Variants in RCAN2 observed in about 807,000 individuals in gnomAD.
RCAN2 encodes calcipressin-2.
A neutral mutation model predicts 23.6 loss-of-function variants in RCAN2; 9 were observed. The ratio of observed to expected loss-of-function variants is 0.38; its 90% confidence interval spans 0.23 to 0.67. The LOEUF (loss-of-function observed/expected upper bound fraction) is 0.67, where lower values mean the gene tolerates loss of function less well. Among genes scored for constraint, RCAN2 ranks in the 30% least tolerant of loss-of-function variants. The pLI, the probability that RCAN2 is intolerant of heterozygous loss-of-function variation, is 0.51. For synonymous variants in RCAN2, 109 were observed against 115.7 expected (o/e 0.94, Z 0.37); for missense variants, 273 against 302.3 (o/e 0.90, Z 0.72).
At chr6:46,339,835 G>C (rs1258379348) in intron 2 of RCAN2, among the ~76,000 whole-genome samples, 1 of 151,896 alleles carries the variant, frequency 6.6e-6, no homozygotes, top group African/African-American at 2.4e-5. Context: ...GGAAATGTTA[G>C]AATCCAATAG....
At chr6:46,371,192 TC>T (rs1223452794) in intron 2 of RCAN2, among the ~76,000 whole-genome samples, 1 of 151,920 alleles carries the variant, frequency 6.6e-6, no homozygotes, top group African/African-American at 2.4e-5. Context: ...GACCAGCCTT[TC>T]CCCCCAGATT....
chr6:46,307,288 C>T (rs531347867), intron 2 of RCAN2, among the ~76,000 whole-genome samples: 34 of 152,168 alleles, frequency 2.2e-4, no homozygotes, highest in East Asian at 1.2e-3. Flanking sequence ...ACACAGTAAG[C>T]GCAATGTTCA....
At chr6:46,366,872 C>T (rs534009222) in intron 2 of RCAN2, among the ~76,000 whole-genome samples, 1 of 151,410 alleles carries the variant, frequency 6.6e-6, no homozygotes, top group African/African-American at 2.4e-5. Flanking sequence ...GTCCTTGTAC[C>T]TACAAGGATA....
At chr6:46,270,766 T>C (rs903278394) in intron 2 of RCAN2, among the ~76,000 whole-genome samples, 26 of 151,924 alleles carry the variant, frequency 1.7e-4, no homozygotes, top group African/African-American at 6.0e-4. Context: ...GTGGTGTGAG[T>C]TGCCCTCTGG....
chr6:46,328,060 G>A (rs1007258440), intron 2 of RCAN2, among the ~76,000 whole-genome samples: 1 of 152,172 alleles, frequency 6.6e-6, no homozygotes, highest in Non-Finnish European at 1.5e-5. Context: ...CACACTTTAT[G>A]TTTAGGAAAG....
chr6:46,403,110 G>A (rs895778358), intron 2 of RCAN2, among the ~76,000 whole-genome samples: 6 of 151,864 alleles, frequency 4.0e-5, no homozygotes, highest in Non-Finnish European at 5.9e-5. Flanking sequence ...GACTACAGGC[G>A]CCCGCCACCA....
At chr6:46,387,174 T>C (rs546952342) in intron 2 of RCAN2, among the ~76,000 whole-genome samples, 1 of 152,266 alleles carries the variant, frequency 6.6e-6, no homozygotes, top group African/African-American at 2.4e-5. Context: ...GGCAATACCA[T>C]TCAGGACACA....
At chr6:46,340,135 A>C (rs530004638) in intron 2 of RCAN2, among the ~76,000 whole-genome samples, 1 of 152,290 alleles carries the variant, frequency 6.6e-6, no homozygotes, top group South Asian at 2.1e-4. Flanking sequence ...CCTTTCATGG[A>C]CAGATTATTT....
intron 2 of RCAN2, among the ~76,000 whole-genome samples, chr6:46,449,070 T>G (rs368698215): frequency 1.3e-5 from 2 of 151,846 alleles, no homozygotes; most frequent in East Asian, 3.9e-4. Context: ...ATCTTATACA[T>G]AGAAAACCCT....
intron 2 of RCAN2, among the ~76,000 whole-genome samples, chr6:46,328,767 C>A (rs746947260): frequency 6.6e-6 from 1 of 152,184 alleles, no homozygotes; most frequent in Non-Finnish European, 1.5e-5. Context: ...CGGGCCACCA[C>A]GCCCAGCTAA....
intron 4 of RCAN2, among the ~76,000 whole-genome samples, chr6:46,236,410 T>G (rs1412133797): frequency 6.6e-6 from 1 of 152,004 alleles, no homozygotes; most frequent in Non-Finnish European, 1.5e-5. Flanking sequence ...GAAAATCTTA[T>G]GTTGCCGTTT....
At chr6:46,354,828 A>G (rs1311289385) in intron 2 of RCAN2, among the ~76,000 whole-genome samples, 5 of 152,228 alleles carry the variant, frequency 3.3e-5, no homozygotes, top group African/African-American at 1.2e-4. Flanking sequence ...ATTATTGAAC[A>G]AAATATTTAT....
chr6:46,288,177 C>T (rs1458979079), intron 2 of RCAN2, among the ~76,000 whole-genome samples: 1 of 152,154 alleles, frequency 6.6e-6, no homozygotes, highest in Non-Finnish European at 1.5e-5. Context: ...GGCAGCTGGG[C>T]CAGAGAGGAC....
At chr6:46,428,738 G>C (rs1767105323) in intron 2 of RCAN2, among the ~76,000 whole-genome samples, 2 of 152,122 alleles carry the variant, frequency 1.3e-5, no homozygotes, top group Admixed American at 1.3e-4. Flanking sequence ...CAGAACTTTT[G>C]AGGGCTTGTT....
At chr6:46,231,858 G>T (rs1381459830) in intron 4 of RCAN2, among the ~76,000 whole-genome samples, 2 of 152,142 alleles carry the variant, frequency 1.3e-5, no homozygotes, top group African/African-American at 2.4e-5. Context: ...GCTTTCCTGG[G>T]TGAGGGCAGC....
At chr6:46,236,136 A>T (rs866496328) in intron 4 of RCAN2, among the ~76,000 whole-genome samples, 5 of 152,358 alleles carry the variant, frequency 3.3e-5, no homozygotes, top group Middle Eastern at 3.4e-3. Context: ...TAATCTGATT[A>T]CATCACACAA....
chr6:46,282,670 G>A (rs1321146384), intron 2 of RCAN2, among the ~76,000 whole-genome samples: 4 of 152,200 alleles, frequency 2.6e-5, no homozygotes, highest in African/African-American at 9.6e-5. Flanking sequence ...CTTAGGAGGA[G>A]ACGTTCATCT....
intron 1 of RCAN2, among the ~76,000 whole-genome samples, chr6:46,486,016 T>C (rs955973083): frequency 6.6e-6 from 1 of 152,236 alleles, no homozygotes; most frequent in African/African-American, 2.4e-5. Flanking sequence ...GGCCCACCTA[T>C]AATTGATTTC....
intron 4 of RCAN2, among the ~76,000 whole-genome samples, chr6:46,230,700 G>T (rs1047100793): frequency 6.6e-6 from 1 of 152,218 alleles, no homozygotes; most frequent in Non-Finnish European, 1.5e-5. Context: ...CTAGGAAAGG[G>T]AATTCCCCAA....
Sources: gnomAD v4.1 joint callset for allele counts (sites outside exome capture counted in the v4.1 genomes callset) on GRCh38, gnomAD v4.1.1 for gene constraint, MANE v1.5 for transcripts, NCBI Gene and HGNC (gene_info 2026-07-23, HGNC 2026-07-21) for gene names.